Variants in ACSL5 observed in about 807,000 individuals in gnomAD.
ACSL5 encodes the protein long-chain-fatty-acid--CoA ligase 5.
Under a neutral mutation model 84.9 loss-of-function variants are expected in ACSL5, and 50 were observed. The ratio of observed to expected loss-of-function variants is 0.59; its 90% confidence interval spans 0.47 to 0.75. ACSL5 has a LOEUF of 0.75. Among genes scored for constraint, ACSL5 ranks in the 30% least tolerant of loss-of-function variants. The probability of loss-of-function intolerance (pLI) is 0.00; values close to 1 mark genes in which losing one functional copy is unlikely to be tolerated. For missense variants in ACSL5, 775 were observed against 830.4 expected (o/e 0.93, Z 0.82); for synonymous variants, 280 against 300.7 (o/e 0.93, Z 0.71).
chr10:112,413,243 T>C lies in ACSL5; in HGVS notation c.1019T>C (p.Met340Thr), dbSNP rs1257436844. 6.2e-7 allele frequency: 1 copy of C among 1,614,200 alleles called. No individual in the cohort carries two copies. Among genetic ancestry groups the C allele is most frequent in the Non-Finnish European group, 8.5e-7 (1 of 1,180,024 alleles). ...QGDIRLLADD[M>T]KTLKPTLFPA... ...GATATTCGGTTGCTGGCTGACGACA[T>C]GAAGACTTTGAAGCCCACATTGTTT... Residue 340 changes from methionine (M) to threonine (T), a missense_variant, in exon 12 of 21, where the codon ATG becomes ACG. Physicochemically the swap from Met to Thr is moderately conservative, Grantham distance 81 (BLOSUM62 -1). Transcript: ENST00000354655.
At chr10:112,421,122 T>A (rs1844450486) in intron 14 of ACSL5, among the ~76,000 whole-genome samples, 1 of 152,108 alleles carries the variant, frequency 6.6e-6, no homozygotes, top group Non-Finnish European at 1.5e-5. Context: ...ACTTTGCAGC[T>A]TGGGTATGAG....
chr10:112,396,730 A>G (rs951881021), intron 2 of ACSL5, among the ~76,000 whole-genome samples: 1 of 151,906 alleles, frequency 6.6e-6, no homozygotes, highest in Non-Finnish European at 1.5e-5. Context: ...ATTCTATTTC[A>G]GTTAAATGTA....
chr10:112,413,395 C>A, intron 12 of ACSL5, 88 bp downstream of exon 12: 1 of 1,454,160 alleles, frequency 6.9e-7, no homozygotes, highest in Non-Finnish European at 9.5e-7. Flanking sequence ...CCACCTCTAC[C>A]TCCACCCTCT....
intron 2 of ACSL5, 70 bp from the exon 3 acceptor site, chr10:112,398,831 C>A: frequency 7.6e-7 from 1 of 1,317,564 alleles, no homozygotes; most frequent in Non-Finnish European, 1.1e-6. Context: ...CTCTTTAATT[C>A]AATTCATAAA....
chr10:112,422,452 C>G lies in ACSL5; in HGVS notation c.1593+11C>G. 1 of 1,608,716 alleles carries G rather than the reference C, an allele frequency of 6.2e-7. No individual in the cohort carries two copies. The highest frequency in any genetic ancestry group is 2.2e-5 in the East Asian group (1 of 44,846). Reference sequence around the variant, plus strand: ...GGTCGCTGGCTCCCGGTAGGTATATCATCAGAACTCCTGGAAGTCTATGCT... The same window carrying G: ...GGTCGCTGGCTCCCGGTAGGTATATGATCAGAACTCCTGGAAGTCTATGCT... On this transcript the variant is annotated intron_variant, in intron 17 of 20. Transcript: ENST00000354655.
chr10:112,394,463 T>C (rs140681177), intron 1 of ACSL5, among the ~76,000 whole-genome samples: 225 of 152,340 alleles, frequency 1.5e-3, no homozygotes, highest in African/African-American at 5.2e-3. Context: ...TTGACAGATC[T>C]CTTCTGTTTG....
At chr10:112,399,687 T>A (rs1843831488) in intron 3 of ACSL5, among the ~76,000 whole-genome samples, 1 of 152,244 alleles carries the variant, frequency 6.6e-6, no homozygotes, top group Non-Finnish European at 1.5e-5. Flanking sequence ...TGGGTGACAT[T>A]CTGGCCGTGT....
intron 7 of ACSL5, 87 bp from the exon 8 acceptor site, chr10:112,410,376 C>A: frequency 6.3e-7 from 1 of 1,599,338 alleles, no homozygotes; most frequent in South Asian, 1.1e-5. Flanking sequence ...GAGATGTTCT[C>A]ACGGGAAAGG....
intron 1 of ACSL5, among the ~76,000 whole-genome samples, chr10:112,386,542 G>A (rs1849457071): frequency 1.3e-5 from 2 of 152,040 alleles, no homozygotes; most frequent in Non-Finnish European, 2.9e-5. Flanking sequence ...GGTAATGATT[G>A]CTGGTCTGCC....
chr10:112,417,987 C>A, intron 14 of ACSL5, 46 bp downstream of exon 14: 2 of 1,391,744 alleles, frequency 1.4e-6, no homozygotes, highest in Non-Finnish European at 2.0e-6. Flanking sequence ...TACTTTTGCA[C>A]AAACAGGCTC....
intron 1 of ACSL5, among the ~76,000 whole-genome samples, chr10:112,375,043 G>C (rs1398667517): frequency 1.4e-5 from 2 of 138,366 alleles, no homozygotes; most frequent in African/African-American, 5.7e-5. Context: ...TTTTACTGGA[G>C]GAGGTCAATA....
At chr10:112,377,562 AAAAC>A (rs1849265423) in intron 1 of ACSL5, among the ~76,000 whole-genome samples, 1 of 151,998 alleles carries the variant, frequency 6.6e-6, no homozygotes, top group African/African-American at 2.4e-5. Context: ...AACAAATAAA[AAAAC>A]ATTGAAAACT....
chr10:112,403,920 G>C (rs1843967048), intron 3 of ACSL5, among the ~76,000 whole-genome samples: 1 of 152,140 alleles, frequency 6.6e-6, no homozygotes, highest in Non-Finnish European at 1.5e-5. Flanking sequence ...ACAGAGAAGA[G>C]ATAATGACAT....
In ACSL5 at chr10:112,376,924, A is replaced by C. The variant is rs114463321; in HGVS notation, c.-30+2655A>C. On this transcript the variant is annotated intron_variant, in intron 1 of 20. Transcript: ENST00000354655. Reference sequence around the variant, plus strand: ...TTAATTCCTAAGTACTTCCTTCCCAATGCCCACTCCCTGAGGGTCCTAAGG... The same window carrying C: ...TTAATTCCTAAGTACTTCCTTCCCACTGCCCACTCCCTGAGGGTCCTAAGG... 3.3e-3 allele frequency among the ~76,000 whole-genome samples: 505 copies of C among 151,024 alleles called. 7 individuals carry two copies. Among genetic ancestry groups the C allele is most frequent in the African/African-American group, 0.012 (485 of 40,576 alleles).
rs145073462 is a variant in ACSL5, at chr10:112,408,975, T to C, written c.532+454T>C. On this transcript the variant is annotated intron_variant, in intron 6 of 20. Transcript: ENST00000354655. ...GTTAGAGAAACAAGTCCAAATTTGA[T>C]GGGCAAGTAACAGCCCTTTCACATA... 107 of 165,708 alleles carry C rather than the reference T, an allele frequency of 6.5e-4. 1 individual carries two copies. In the East Asian group the frequency reaches 0.017, roughly 26 times the overall value. The allele number at this position is 165,708 out of a possible 1,614,324, so 10.3% of individuals were successfully genotyped here. A position where few individuals can be genotyped will look rare whatever the true frequency, so the allele number is the denominator to read the frequency against.
At chr10:112,376,316 G>C in intron 1 of ACSL5, 1 of 1,614,122 alleles carries the variant, frequency 6.2e-7, no homozygotes. Flanking sequence ...CTGCATGGAC[G>C]CTCTGAAGCC....
intron 13 of ACSL5, 137 bp downstream of exon 13, chr10:112,417,159 G>T: frequency 1.6e-6 from 1 of 644,710 alleles, no homozygotes; most frequent in Non-Finnish European, 2.3e-6. Context: ...ACTGCCTTTT[G>T]AGATCTTTCT....
At chr10:112,376,566 C>T in intron 1 of ACSL5, 1 of 1,409,120 alleles carries the variant, frequency 7.1e-7, no homozygotes, top group African/African-American at 1.4e-5. Context: ...CAAGGGCCGG[C>T]TGAGTTCCAC....
chr10:112,376,022 T>G (rs1849231713), intron 1 of ACSL5, among the ~76,000 whole-genome samples: 1 of 152,186 alleles, frequency 6.6e-6, no homozygotes, highest in Non-Finnish European at 1.5e-5. Flanking sequence ...TGTTTTCATC[T>G]TAGTTGAAAG....
Sources: gnomAD v4.1 joint callset for allele counts (sites outside exome capture counted in the v4.1 genomes callset) on GRCh38, gnomAD v4.1.1 for gene constraint, MANE v1.5 for transcripts, NCBI Gene and HGNC (gene_info 2026-07-23, HGNC 2026-07-21) for gene names.